Variants in NFASC observed in about 807,000 individuals in gnomAD.
The protein encoded by NFASC is neurofascin.
A neutral mutation model predicts 147.5 loss-of-function variants in NFASC; 43 were observed. The ratio of observed to expected loss-of-function variants is 0.29; its 90% confidence interval spans 0.23 to 0.38. The LOEUF (loss-of-function observed/expected upper bound fraction) is 0.38. NFASC is among the 10% of genes least tolerant of loss of function. The pLI is 1.00. For synonymous variants in NFASC, 622 were observed against 665.5 expected (o/e 0.93, Z 1.01); for missense variants, 1,320 against 1,689.0 (o/e 0.78, Z 3.83).
At chr1:204,902,291 G>A (rs2084801762) in intron 1 of NFASC, among the ~76,000 whole-genome samples, 1 of 151,982 alleles carries the variant, frequency 6.6e-6, no homozygotes, top group African/African-American at 2.4e-5. Flanking sequence ...AACAAAAAAG[G>A]GTGTAAAGAA....
intron 20 of NFASC, 136 bp downstream of exon 20, chr1:204,980,576 T>C (rs1050726513): frequency 1.5e-6 from 1 of 666,394 alleles, no homozygotes; most frequent in African/African-American, 1.8e-5. Context: ...GCCATTCTTC[T>C]TTGAGAAACC....
chr1:204,987,562 C>G lies in NFASC; in HGVS notation c.2593+22C>G. 6.2e-7 allele frequency: 1 copy of G among 1,613,420 alleles called. No homozygotes were observed. Among genetic ancestry groups the G allele is most frequent in the South Asian group, 1.1e-5 (1 of 90,988 alleles). On this transcript the variant is annotated intron_variant, in intron 22 of 29. Transcript: ENST00000339876. This position sits in a 1 kb window ranked among gnomAD's most constrained non-coding sequence, Gnocchi z 4.4. The stretch of plus-strand genomic sequence containing the variant: ...GCCTGTACGTTCTGCCCTTCCCTTT[C>G]TCTTAGATAATCTGGGAACCAGAAA...
intron 7 of NFASC, 112 bp downstream of exon 7, chr1:204,955,063 C>T (rs1237454742): frequency 2.0e-5 from 27 of 1,348,850 alleles, no homozygotes; most frequent in South Asian, 2.6e-5. Flanking sequence ...TTGTGAGAGG[C>T]AGGTGCAATG....
At position 205,015,865 on chromosome 1, in the gene NFASC, G is replaced by A. The variant is rs2096351038; in HGVS notation, c.3492-443G>A. On this transcript the variant is annotated intron_variant, in intron 29 of 29. Coordinates refer to ENST00000339876, the MANE Select transcript of NFASC (RefSeq NM_001005388.3). The surrounding 1 kb of genome is among the most constrained non-coding windows in gnomAD (Gnocchi z 4.0). ...CCCTACAGAGTCACAGGTCTTGGGA[G>A]ATCAAAGCTGGGCCAGCCCCTCTTG... Among the ~76,000 whole-genome samples, 1 of 152,128 alleles carries A rather than the reference G, an allele frequency of 6.6e-6. No individual in the cohort carries two copies. The highest frequency in any genetic ancestry group is 2.4e-5 in the African/African-American group (1 of 41,438).
intron 1 of NFASC, among the ~76,000 whole-genome samples, chr1:204,872,155 A>G (rs972699754): frequency 1.2e-4 from 19 of 152,176 alleles, no homozygotes; most frequent in African/African-American, 3.9e-4. Flanking sequence ...GACCAATTCA[A>G]CCTTCCCAGA....
chr1:204,891,288 A>C (rs2082338193), intron 1 of NFASC, among the ~76,000 whole-genome samples: 1 of 152,184 alleles, frequency 6.6e-6, no homozygotes, highest in African/African-American at 2.4e-5. Flanking sequence ...CCTGGTCTCA[A>C]ACCCAACCAG....
chr1:204,982,090 GC>G, intron 21 of NFASC, 70 bp downstream of exon 21: 1 of 1,063,506 alleles, frequency 9.4e-7, no homozygotes, highest in Non-Finnish European at 1.3e-6. Context: ...ACGCTCACAG[GC>G]CAGGAACCTT....
chr1:204,929,803 G>T (rs568468197), intron 2 of NFASC, among the ~76,000 whole-genome samples: 1 of 152,272 alleles, frequency 6.6e-6, no homozygotes, highest in Non-Finnish European at 1.5e-5. Flanking sequence ...TTCTCCACTT[G>T]CTTGGTGTTC....
intron 1 of NFASC, among the ~76,000 whole-genome samples, chr1:204,890,516 A>G (rs974455009): frequency 5.9e-5 from 9 of 152,164 alleles, no homozygotes; most frequent in African/African-American, 2.2e-4. Flanking sequence ...GCTTAAGTAA[A>G]GGTCCTTGAG....
At chr1:204,921,181 T>C (rs1216524916) in intron 2 of NFASC, among the ~76,000 whole-genome samples, 1 of 152,188 alleles carries the variant, frequency 6.6e-6, no homozygotes, top group Non-Finnish European at 1.5e-5. Context: ...TGGACAGTTA[T>C]CCAGGCGCAG....
chr1:205,009,888 C>T (rs548986932), intron 28 of NFASC, 200 bp downstream of exon 28: 9 of 625,036 alleles, frequency 1.4e-5, no homozygotes, highest in African/African-American at 3.7e-5. Flanking sequence ...CTGAGTTGGG[C>T]GGATGGCACA....
chr1:204,906,386 C>A (rs1279422839), intron 1 of NFASC, among the ~76,000 whole-genome samples: 2 of 152,198 alleles, frequency 1.3e-5, no homozygotes, highest in African/African-American at 2.4e-5. Context: ...TTAATCCCAA[C>A]TCTGGATAAC....
intron 27 of NFASC, chr1:205,008,705 A>T (rs1037300098): frequency 6.6e-6 from 1 of 152,604 alleles, no homozygotes; most frequent in African/African-American, 2.4e-5. Context: ...TCACAAAGGG[A>T]TCTGCCCACT....
chr1:204,924,294 A>C (rs1272232926), intron 2 of NFASC, among the ~76,000 whole-genome samples: 2 of 152,212 alleles, frequency 1.3e-5, no homozygotes, highest in African/African-American at 4.8e-5. Context: ...AGAAGGCTGC[A>C]GGGAGGGAGA....
chr1:204,978,361 C>G (rs3892249), intron 17 of NFASC, among the ~76,000 whole-genome samples: 34,404 of 152,146 alleles, frequency 0.23, 4,687 homozygotes, highest in Middle Eastern at 0.35. Flanking sequence ...TGCCCTCACC[C>G]CTGTTTGCAA....
intron 2 of NFASC, among the ~76,000 whole-genome samples, chr1:204,933,039 C>T (rs566976575): frequency 5.3e-5 from 8 of 152,034 alleles, no homozygotes; most frequent in South Asian, 2.1e-4. Context: ...GGGAGGGTAG[C>T]GGGGGCAGTT....
At chr1:204,911,885 C>T (rs1319493630) in intron 1 of NFASC, among the ~76,000 whole-genome samples, 1 of 152,132 alleles carries the variant, frequency 6.6e-6, no homozygotes, top group Non-Finnish European at 1.5e-5. Flanking sequence ...GTTCATTTCA[C>T]CTAAGCTTTA....
At chr1:204,833,586 C>T (rs887808812) in intron 1 of NFASC, among the ~76,000 whole-genome samples, 1 of 152,176 alleles carries the variant, frequency 6.6e-6, no homozygotes, top group East Asian at 1.9e-4. Context: ...TTACTTTCTT[C>T]TGAAAGATAG....
At chr1:205,007,181 T>G (rs1459449120) in intron 27 of NFASC, among the ~76,000 whole-genome samples, 1 of 151,354 alleles carries the variant, frequency 6.6e-6, no homozygotes, top group Non-Finnish European at 1.5e-5. Context: ...ACAGGAACAC[T>G]TAGGACTTTG....
Sources: gnomAD v4.1 joint callset for allele counts (sites outside exome capture counted in the v4.1 genomes callset) on GRCh38, gnomAD v4.1.1 for gene constraint, Gnocchi (gnomAD v3.1) non-coding constraint, MANE v1.5 for transcripts, NCBI Gene and HGNC (gene_info 2026-07-23, HGNC 2026-07-21) for gene names.